THSD4: variants seen among roughly 807,000 people sequenced by gnomAD.
THSD4 encodes thrombospondin type-1 domain-containing protein 4.
THSD4 carries 69 observed loss-of-function variants against 119.0 expected under a neutral mutation model. That is an observed-to-expected ratio of 0.58 (90% CI 0.48 to 0.71). The LOEUF (loss-of-function observed/expected upper bound fraction) is 0.71, where lower values mean the gene tolerates loss of function less well. Among genes scored for constraint, THSD4 ranks in the 30% least tolerant of loss-of-function variants. The pLI is 0.00. For synonymous variants in THSD4, 524 were observed against 540.4 expected (o/e 0.97, Z 0.42); for missense variants, 1,393 against 1,391.1 (o/e 1.00, Z -0.02).
At chr15:71,397,877 T>C (rs2046473237) in intron 6 of THSD4, among the ~76,000 whole-genome samples, 1 of 152,238 alleles carries the variant, frequency 6.6e-6, no homozygotes, top group South Asian at 2.1e-4. Context: ...TCTCACACAG[T>C]ACTTGGTACA....
At chr15:71,471,154 C>G (rs184393320) in intron 7 of THSD4, among the ~76,000 whole-genome samples, 177 of 152,284 alleles carry the variant, frequency 1.2e-3, no homozygotes, top group Non-Finnish European at 1.5e-3. Flanking sequence ...TGCTGCTCTC[C>G]TCCCATCCAG....
intron 7 of THSD4, among the ~76,000 whole-genome samples, chr15:71,575,537 C>T (rs990393787): frequency 6.6e-6 from 1 of 152,080 alleles, no homozygotes; most frequent in Non-Finnish European, 1.5e-5. Context: ...CACTGGAAAT[C>T]GGGACATTTT....
intron 7 of THSD4, among the ~76,000 whole-genome samples, chr15:71,495,510 C>T (rs183884899): frequency 6.6e-6 from 1 of 152,124 alleles, no homozygotes; most frequent in Non-Finnish European, 1.5e-5. Flanking sequence ...TATAGTTTCT[C>T]TTTGTTAGAA....
At chr15:71,565,052 A>G (rs1427577250) in intron 7 of THSD4, among the ~76,000 whole-genome samples, 1 of 152,166 alleles carries the variant, frequency 6.6e-6, no homozygotes, top group East Asian at 1.9e-4. Flanking sequence ...AACAACCAAA[A>G]GAACACCTTA....
At chr15:71,230,139 G>A (rs1412430925) in intron 4 of THSD4, among the ~76,000 whole-genome samples, 2 of 152,164 alleles carry the variant, frequency 1.3e-5, no homozygotes, top group African/African-American at 4.8e-5. Flanking sequence ...CCCTGGGAGA[G>A]AGGGGATAGG....
chr15:71,638,217 T>C (rs1404629597), intron 7 of THSD4, among the ~76,000 whole-genome samples: 1 of 152,222 alleles, frequency 6.6e-6, no homozygotes, highest in Admixed American at 6.5e-5. Flanking sequence ...AGTTACTCTT[T>C]TGTAGTATAA....
At chr15:71,628,428 A>T (rs2050549482) in intron 7 of THSD4, among the ~76,000 whole-genome samples, 1 of 152,178 alleles carries the variant, frequency 6.6e-6, no homozygotes, top group Non-Finnish European at 1.5e-5. Context: ...AGAGAAATTA[A>T]CTTATCCAAG....
intron 7 of THSD4, among the ~76,000 whole-genome samples, chr15:71,435,730 A>C (rs2047004654): frequency 6.6e-6 from 1 of 152,180 alleles, no homozygotes; most frequent in South Asian, 2.1e-4. Context: ...CTATGAGCAC[A>C]TGGACACGTG....
Position 71,771,227 on chromosome 15 carries a change from C to T in THSD4, c.2914+19C>T. 6.2e-7 allele frequency: 1 copy of T among 1,612,352 alleles called. No individual in the cohort carries two copies. The highest frequency in any genetic ancestry group is 8.5e-7 in the Non-Finnish European group (1 of 1,179,520). On this transcript the variant is annotated intron_variant, in intron 17 of 17. Coordinates refer to ENST00000261862, the MANE Select transcript of THSD4 (RefSeq NM_024817.3). ...GAAGTTGGTAAGTAGAGATTTCAAT[C>T]ATGGGGGAAAGGTTTGTGTTTTTTA...
At chr15:71,452,485 C>T (rs1157308944) in intron 7 of THSD4, among the ~76,000 whole-genome samples, 2 of 149,710 alleles carry the variant, frequency 1.3e-5, no homozygotes, top group Non-Finnish European at 3.0e-5. Context: ...AAGGGATTAA[C>T]CCTTGTCATG....
chr15:71,519,410 G>C (rs944577533), intron 7 of THSD4, among the ~76,000 whole-genome samples: 3 of 152,130 alleles, frequency 2.0e-5, no homozygotes, highest in African/African-American at 7.2e-5. Flanking sequence ...CACCCAAGCT[G>C]GAGTGCAGTG....
intron 6 of THSD4, among the ~76,000 whole-genome samples, chr15:71,405,162 T>C (rs1421451307): frequency 1.3e-5 from 2 of 152,224 alleles, no homozygotes; most frequent in African/African-American, 4.8e-5. Flanking sequence ...GTGCTGGAAT[T>C]ACAGGCGTGA....
At chr15:71,311,229 C>T (rs986298967) in intron 6 of THSD4, among the ~76,000 whole-genome samples, 1 of 152,180 alleles carries the variant, frequency 6.6e-6, no homozygotes, top group African/African-American at 2.4e-5. Context: ...AGGACATAGA[C>T]CTGCTGTTTG....
At chr15:71,731,483 T>C in intron 10 of THSD4, 1 of 445,136 alleles carries the variant, frequency 2.2e-6, no homozygotes, top group South Asian at 2.4e-5. Flanking sequence ...TGAAATGCTT[T>C]ATACTAGTTT....
At chr15:71,154,027 T>G (rs975366037) in intron 2 of THSD4, among the ~76,000 whole-genome samples, 1 of 152,182 alleles carries the variant, frequency 6.6e-6, no homozygotes, top group Non-Finnish European at 1.5e-5. Flanking sequence ...GGTTTCCTGG[T>G]CAGCTCTACT....
chr15:71,410,776 A>G (rs2046676112), intron 6 of THSD4, among the ~76,000 whole-genome samples: 1 of 152,188 alleles, frequency 6.6e-6, no homozygotes, highest in Non-Finnish European at 1.5e-5. Flanking sequence ...TCATGCCTGT[A>G]ATCCCAGCAC....
chr15:71,763,099 A>T (rs544669683), intron 15 of THSD4, among the ~76,000 whole-genome samples: 157 of 152,206 alleles, frequency 1.0e-3, no homozygotes, highest in African/African-American at 3.7e-3. Context: ...TAGTAAAAAA[A>T]TCCCGTAGTT....
intron 7 of THSD4, among the ~76,000 whole-genome samples, chr15:71,477,699 T>A (rs2047673164): frequency 6.6e-6 from 1 of 152,128 alleles, no homozygotes; most frequent in African/African-American, 2.4e-5. Flanking sequence ...CTGACCATTC[T>A]CCAGTCTTCA....
At chr15:71,494,847 ACCC>A (rs2047985879) in intron 7 of THSD4, among the ~76,000 whole-genome samples, 2 of 152,188 alleles carry the variant, frequency 1.3e-5, no homozygotes, top group Non-Finnish European at 1.5e-5. Flanking sequence ...GAAATAAAAT[ACCC>A]TAAAGATATG....
Sources: allele counts gnomAD v4.1 joint callset (sites outside exome capture counted in the v4.1 genomes callset), GRCh38; gene constraint gnomAD v4.1.1; transcripts MANE v1.5; gene names NCBI Gene and HGNC (gene_info 2026-07-23, HGNC 2026-07-21).